The following PTPRB variants were observed in gnomAD, a reference collection of about 807,000 sequenced individuals.
PTPRB encodes the protein receptor-type tyrosine-protein phosphatase beta.
PTPRB carries 97 observed loss-of-function variants against 238.1 expected under a neutral mutation model. The observed-to-expected ratio is 0.41, with a 90% CI of 0.35 to 0.48. The LOEUF (loss-of-function observed/expected upper bound fraction) is 0.48, where lower values mean the gene tolerates loss of function less well. Among genes scored for constraint, PTPRB ranks in the 20% least tolerant of loss-of-function variants. The probability of loss-of-function intolerance (pLI) is 0.30; values close to 1 mark genes in which losing one functional copy is unlikely to be tolerated. For synonymous variants in PTPRB, 970 were observed against 995.4 expected (o/e 0.97, Z 0.48); for missense variants, 2,292 against 2,681.9 (o/e 0.85, Z 3.21).
At chr12:70,549,271 T>C (rs1876529377) in intron 21 of PTPRB, among the ~76,000 whole-genome samples, 2 of 152,208 alleles carry the variant, frequency 1.3e-5, no homozygotes, top group African/African-American at 2.4e-5. Context: ...TAGCAGAAAG[T>C]TAGAGATCAT....
intron 28 of PTPRB, chr12:70,537,916 G>A (rs2136243795): frequency 2.3e-6 from 1 of 433,662 alleles, no homozygotes; most frequent in South Asian, 4.2e-5. Context: ...GAGAGTAGAT[G>A]ATCTATGAAA....
chr12:70,549,157 G>C (rs1876515798), intron 21 of PTPRB, among the ~76,000 whole-genome samples: 1 of 152,164 alleles, frequency 6.6e-6, no homozygotes, highest in South Asian at 2.1e-4. Flanking sequence ...ATATATTATA[G>C]AAAGATAATT....
chr12:70,537,340 AG>A lies in PTPRB; in HGVS notation c.5946+814del, dbSNP rs1195714753. Reference sequence around the variant, plus strand: ...AATACAGATTCCCAGGCCCTGCCTCAGCCCTGATGGATCAGAATCTGCCTTT... The same window carrying A: ...AATACAGATTCCCAGGCCCTGCCTCACCCTGATGGATCAGAATCTGCCTTT... On this transcript the variant is annotated intron_variant, in intron 28 of 33. Coordinates refer to ENST00000334414, the MANE Select transcript of PTPRB (RefSeq NM_001109754.4). Among the ~76,000 whole-genome samples, 3 of 150,356 alleles carry A rather than the reference AG, an allele frequency of 2.0e-5. No individual in the cohort carries two copies. In the East Asian group the frequency reaches 5.9e-4, roughly 30 times the overall value.
chr12:70,628,808 T>C (rs1885318358), intron 2 of PTPRB, among the ~76,000 whole-genome samples: 1 of 152,112 alleles, frequency 6.6e-6, no homozygotes, highest in South Asian at 2.1e-4. Flanking sequence ...CAAGCAATTC[T>C]CCCACCTTGG....
At chr12:70,522,209 A>AGAT (rs1362052610) in intron 33 of PTPRB, among the ~76,000 whole-genome samples, 1 of 152,180 alleles carries the variant, frequency 6.6e-6, no homozygotes, top group East Asian at 1.9e-4. Context: ...TTTAGAATGG[A>AGAT]GATAAGAGGG....
At chr12:70,623,444 C>T (rs141482913) in intron 2 of PTPRB, among the ~76,000 whole-genome samples, 6 of 152,182 alleles carry the variant, frequency 3.9e-5, no homozygotes, top group East Asian at 1.9e-4. Context: ...CAAATTCTGA[C>T]GCACTAGAGA....
chr12:70,536,828 A>G (rs1293004968), intron 28 of PTPRB, among the ~76,000 whole-genome samples: 2 of 152,050 alleles, frequency 1.3e-5, no homozygotes, highest in African/African-American at 4.8e-5. Flanking sequence ...CATCTGACCA[A>G]TCCTTACTTA....
At chr12:70,538,322 C>T (rs1874504042) in intron 27 of PTPRB, 91 bp from the exon 28 acceptor site, 3 of 1,051,420 alleles carry the variant, frequency 2.9e-6, no homozygotes, top group Admixed American at 2.2e-5. Context: ...ATCCCCACAA[C>T]AGCCACAGAT....
intron 21 of PTPRB, among the ~76,000 whole-genome samples, chr12:70,548,284 C>T (rs189085472): frequency 4.9e-4 from 74 of 151,752 alleles, no homozygotes; most frequent in Admixed American, 4.0e-3. Context: ...GCTGAGATCA[C>T]ACCACTGCAC....
At chr12:70,533,083 C>G (rs1346821609) in intron 31 of PTPRB, among the ~76,000 whole-genome samples, 5 of 152,148 alleles carry the variant, frequency 3.3e-5, no homozygotes, top group Non-Finnish European at 7.3e-5. Context: ...GGGTCAACAC[C>G]TAGAAGCAGA....
At chr12:70,548,343 C>G (rs1282837446) in intron 21 of PTPRB, among the ~76,000 whole-genome samples, 2 of 13,160 alleles carry the variant, frequency 1.5e-4, no homozygotes, top group Admixed American at 1.9e-3. Flanking sequence ...CTCTCTCTCT[C>G]TCTCACACAC....
chr12:70,586,098 C>T (rs945286842), intron 9 of PTPRB, among the ~76,000 whole-genome samples: 1 of 152,122 alleles, frequency 6.6e-6, no homozygotes, highest in African/African-American at 2.4e-5. Flanking sequence ...AATAGTGCCG[C>T]AATAAACATA....
chr12:70,605,276 G>A (rs1883850934), intron 4 of PTPRB, among the ~76,000 whole-genome samples: 1 of 152,094 alleles, frequency 6.6e-6, no homozygotes, highest in Non-Finnish European at 1.5e-5. Context: ...TATATTTTTA[G>A]TATATGTACA....
chr12:70,561,973 A>C (rs535510189), intron 16 of PTPRB, among the ~76,000 whole-genome samples: 5 of 152,348 alleles, frequency 3.3e-5, no homozygotes, highest in African/African-American at 1.2e-4. Context: ...ATGAGAAAAA[A>C]GAATTGAATA....
Position 70,581,070 on chromosome 12 carries a change from G to C in PTPRB, c.2544C>G (p.Ile848Met). The C allele has an allele frequency of 6.2e-7, 1 of 1,613,998 alleles. No homozygotes were observed. ...CCTCCACAACCACTTGTCGGGAAGA[G>C]ATCCCTCCACTCACTGTTGTTACCA... ...SVVVTTVSGG[I>M]SSRQVVVEGR... Residue 848 changes from isoleucine (I) to methionine (M), a missense_variant, in exon 10 of 34, where the codon ATC (isoleucine) becomes ATG (methionine). Coordinates refer to ENST00000334414, the MANE Select transcript of PTPRB (RefSeq NM_001109754.4).
Position 70,577,239 on chromosome 12 carries a change from A to G in PTPRB, c.2579-594T>C, listed in dbSNP as rs139711949. Reference sequence around the variant, plus strand: ...CTAGTGGTAAGAAATAAGCCTAAAAACCTATCTTGGAAGTAAGAAGTCTGG... The same window carrying G: ...CTAGTGGTAAGAAATAAGCCTAAAAGCCTATCTTGGAAGTAAGAAGTCTGG... On this transcript the variant is annotated intron_variant, in intron 10 of 33. Transcript: ENST00000334414. 1.6e-3 allele frequency among the ~76,000 whole-genome samples: 243 copies of G among 152,232 alleles called. 1 individual carries two copies. The highest frequency in any genetic ancestry group is 3.4e-3 in the Middle Eastern group (1 of 294).
intron 3 of PTPRB, among the ~76,000 whole-genome samples, chr12:70,617,977 G>A (rs1884755731): frequency 6.6e-6 from 1 of 152,212 alleles, no homozygotes; most frequent in South Asian, 2.1e-4. Flanking sequence ...GACTCATCTG[G>A]TTTTTAACAC....
At chr12:70,635,034 G>C (rs2136617330) in intron 2 of PTPRB, among the ~76,000 whole-genome samples, 1 of 152,224 alleles carries the variant, frequency 6.6e-6, no homozygotes, top group South Asian at 2.1e-4. Flanking sequence ...TTGCACATGT[G>C]TATAACATAT....
rs771100099 is a variant in PTPRB at position 70,560,753 on chromosome 12, A to G, written c.4350T>C (p.Leu1450=). The G allele has an allele frequency of 1.2e-6, 2 of 1,613,978 alleles. No homozygotes were observed. Among genetic ancestry groups the G allele is most frequent in the Middle Eastern group, 3.3e-4 (2 of 6,062 alleles). ...KDLTEWRFQG[L]VPGRKYVLWV... is the part of the protein sequence containing the mutation. ...ACAGCACGTACTTCCTTCCAGGAAC[A>G]AGGCCTTGAAACCGCCACTCCGTCA... The change falls in exon 17 of 34, where the codon CTT becomes CTC. Residue 1450 remains leucine (L), a synonymous_variant. Transcript: ENST00000334414. This position sits in a 1 kb window ranked among gnomAD's most constrained non-coding sequence, Gnocchi z 4.2.
Sources: gnomAD v4.1 joint callset for allele counts (sites outside exome capture counted in the v4.1 genomes callset) on GRCh38, gnomAD v4.1.1 for gene constraint, Gnocchi (gnomAD v3.1) non-coding constraint, MANE v1.5 for transcripts, NCBI Gene and HGNC (gene_info 2026-07-23, HGNC 2026-07-21) for gene names.